The following THEMIS variants were observed in gnomAD, a reference collection of about 807,000 sequenced individuals.
The protein encoded by THEMIS is thymocyte selection associated.
In THEMIS, 37 loss-of-function variants were observed where a neutral mutation model predicts 52.6. That is an observed-to-expected ratio of 0.70 (90% CI 0.54 to 0.93). The LOEUF (loss-of-function observed/expected upper bound fraction) is 0.93, where lower values mean the gene tolerates loss of function less well. THEMIS is among the 40% of genes least tolerant of loss of function. THEMIS has a pLI of 0.00. For missense variants in THEMIS, 808 were observed against 763.1 expected, an observed-to-expected ratio of 1.06 and a Z score of -0.69; for synonymous variants, 292 against 272.7, an observed-to-expected ratio of 1.07 and a Z score of -0.70.
chr6:127,869,957 A>G (rs942106552), intron 1 of THEMIS, among the ~76,000 whole-genome samples: 3 of 152,200 alleles, frequency 2.0e-5, no homozygotes, highest in African/African-American at 7.2e-5. Context: ...GCTCTTTGCC[A>G]GGCTGTAACA....
chr6:127,810,993 C>T (rs901474260), intron 4 of THEMIS, among the ~76,000 whole-genome samples: 1 of 151,992 alleles, frequency 6.6e-6, no homozygotes, highest in African/African-American at 2.4e-5. Flanking sequence ...TAGCTGTACC[C>T]TTAAGTGCTC....
intron 4 of THEMIS, among the ~76,000 whole-genome samples, chr6:127,758,982 T>C (rs1775928067): frequency 6.6e-6 from 1 of 152,096 alleles, no homozygotes; most frequent in Non-Finnish European, 1.5e-5. Context: ...ATGCTAGACA[T>C]GTCAAGAAGT....
chr6:127,711,404 G>C (rs751460816), intron 5 of THEMIS, among the ~76,000 whole-genome samples: 3 of 151,980 alleles, frequency 2.0e-5, no homozygotes, highest in Admixed American at 6.6e-5. Context: ...GGAGAAAGAA[G>C]AGCGATTTCT....
At chr6:127,911,980 G>A (rs1016449832) in intron 1 of THEMIS, among the ~76,000 whole-genome samples, 4 of 152,082 alleles carry the variant, frequency 2.6e-5, no homozygotes, top group Admixed American at 2.0e-4. Context: ...ATTTCAGTTT[G>A]TCTGATGTTT....
intron 4 of THEMIS, among the ~76,000 whole-genome samples, chr6:127,723,844 T>A (rs891666563): frequency 6.6e-6 from 1 of 152,038 alleles, no homozygotes; most frequent in African/African-American, 2.4e-5. Context: ...ATAATTACAA[T>A]CAAATAATAG....
intron 2 of THEMIS, among the ~76,000 whole-genome samples, chr6:127,840,506 T>C (rs776254701): frequency 3.3e-5 from 5 of 152,138 alleles, no homozygotes; most frequent in Non-Finnish European, 7.4e-5. Context: ...GATGATATTA[T>C]AGTGAGTTTT....
intron 3 of THEMIS, among the ~76,000 whole-genome samples, chr6:127,827,301 C>T (rs1778540632): frequency 6.6e-6 from 1 of 152,232 alleles, no homozygotes; most frequent in African/African-American, 2.4e-5. Context: ...ATAAGACACC[C>T]CTCCTCTATT....
At position 127,782,307 on chromosome 6, in the gene THEMIS, A is replaced by C. The variant is rs569561787; in HGVS notation, c.1758+30576T>G. On this transcript the variant is annotated intron_variant, in intron 4 of 5. Coordinates refer to ENST00000368248, the MANE Select transcript of THEMIS (RefSeq NM_001010923.3). The stretch of plus-strand genomic sequence containing the variant: ...CAGCCCTCATTCCAGGGGAGTGAAC[A>C]GTTCTGTCTCACTGGCATTCCAGGT... 3.3e-5 allele frequency among the ~76,000 whole-genome samples: 5 copies of C among 152,140 alleles called. No individual in the cohort carries two copies. In the East Asian group the frequency reaches 5.8e-4, roughly 18 times the overall value.
intron 4 of THEMIS, among the ~76,000 whole-genome samples, chr6:127,745,574 GTGAATT>G (rs1031409124): frequency 3.3e-5 from 5 of 151,806 alleles, no homozygotes; most frequent in African/African-American, 1.2e-4. Flanking sequence ...TGCCCTGTGG[GTGAATT>G]TGGGGTCCAG....
chr6:127,815,735 C>A (rs565794563), intron 3 of THEMIS, among the ~76,000 whole-genome samples: 2 of 152,244 alleles, frequency 1.3e-5, no homozygotes, highest in African/African-American at 2.4e-5. Flanking sequence ...TTGTTTGAAT[C>A]AAAATGAGCT....
chr6:127,772,652 T>C (rs1258953463), intron 4 of THEMIS, among the ~76,000 whole-genome samples: 1 of 152,136 alleles, frequency 6.6e-6, no homozygotes, highest in Non-Finnish European at 1.5e-5. Flanking sequence ...CTTGTTTCTG[T>C]CTTGCCAAAG....
intron 4 of THEMIS, among the ~76,000 whole-genome samples, chr6:127,792,100 C>A (rs1385973270): frequency 6.6e-6 from 1 of 152,172 alleles, no homozygotes; most frequent in African/African-American, 2.4e-5. Context: ...CGGCTCCCAC[C>A]AGTTCTATGG....
At chr6:127,787,856 T>C (rs369192783) in intron 4 of THEMIS, among the ~76,000 whole-genome samples, 32 of 129,032 alleles carry the variant, frequency 2.5e-4, no homozygotes, top group East Asian at 1.1e-3. Flanking sequence ...CAGATATAGA[T>C]AGATAGATAG....
At chr6:127,759,043 A>G (rs971583380) in intron 4 of THEMIS, among the ~76,000 whole-genome samples, 1 of 152,306 alleles carries the variant, frequency 6.6e-6, no homozygotes, top group Admixed American at 6.5e-5. Flanking sequence ...CTATTTTGAA[A>G]TGGCTGTGTA....
intron 1 of THEMIS, among the ~76,000 whole-genome samples, chr6:127,894,567 T>C (rs1780907383): frequency 6.6e-6 from 1 of 151,848 alleles, no homozygotes; most frequent in Admixed American, 6.6e-5. Flanking sequence ...GTATTAAACA[T>C]GGCTGCCGAT....
At chr6:127,899,925 A>T (rs1052743618) in intron 1 of THEMIS, among the ~76,000 whole-genome samples, 2 of 144,280 alleles carry the variant, frequency 1.4e-5, no homozygotes, top group Non-Finnish European at 3.0e-5. Context: ...ATATATATAT[A>T]ATATATATAA....
intron 1 of THEMIS, chr6:127,910,164 T>C (rs926350415): frequency 2.0e-5 from 3 of 152,172 alleles, no homozygotes; most frequent in African/African-American, 7.2e-5. Flanking sequence ...TTTTTAAATA[T>C]ATAAACTAGC....
chr6:127,752,201 T>G (rs1775666717), intron 4 of THEMIS, among the ~76,000 whole-genome samples: 2 of 151,084 alleles, frequency 1.3e-5, no homozygotes, highest in Non-Finnish European at 3.0e-5. Flanking sequence ...AATACCTACA[T>G]TAAAAAAGAG....
At chr6:127,871,777 G>T (rs376864318) in intron 1 of THEMIS, among the ~76,000 whole-genome samples, 3 of 151,996 alleles carry the variant, frequency 2.0e-5, no homozygotes, top group Non-Finnish European at 4.4e-5. Flanking sequence ...TGTTCAGTCC[G>T]ATAACTATTA....
Sources: gnomAD v4.1 joint callset for allele counts (sites outside exome capture counted in the v4.1 genomes callset) on GRCh38, gnomAD v4.1.1 for gene constraint, MANE v1.5 for transcripts, NCBI Gene and HGNC (gene_info 2026-07-23, HGNC 2026-07-21) for gene names.